The following GPM6B variants were observed in gnomAD, a reference collection of about 807,000 sequenced individuals.
GPM6B encodes neuronal membrane glycoprotein M6-b.
GPM6B carries 4 observed loss-of-function variants against 27.2 expected under a neutral mutation model. The observed-to-expected ratio is 0.15, with a 90% CI of 0.07 to 0.34. GPM6B has a LOEUF of 0.34. Among genes scored for constraint, GPM6B ranks in the 10% least tolerant of loss-of-function variants. GPM6B has a pLI of 1.00. For missense variants in GPM6B, 183 were observed against 261.9 expected, an observed-to-expected ratio of 0.70 and a Z score of 2.08; for synonymous variants, 124 against 103.1, an observed-to-expected ratio of 1.20 and a Z score of -1.23.
intron 1 of GPM6B, among the ~76,000 whole-genome samples, chrX:13,815,179 A>G (rs1489962464): frequency 8.9e-6 from 1 of 112,094 alleles, no homozygotes; most frequent in Non-Finnish European, 1.9e-5. Flanking sequence ...TCAGAGAGAA[A>G]TTTAAAAAAG....
intron 2 of GPM6B, 83 bp from the exon 3 acceptor site, chrX:13,785,891 G>T: frequency 1.3e-6 from 1 of 795,475 alleles, no homozygotes; most frequent in Non-Finnish European, 1.8e-6. Flanking sequence ...CACAGAGAAG[G>T]CTTACAATTT....
At chrX:13,801,446 T>C (rs1006167277) in intron 2 of GPM6B, among the ~76,000 whole-genome samples, 1 of 112,252 alleles carries the variant, frequency 8.9e-6, no homozygotes, top group South Asian at 3.7e-4. Flanking sequence ...AGATAGAGTA[T>C]TGCATTTTGA....
intron 1 of GPM6B, among the ~76,000 whole-genome samples, chrX:13,864,653 G>A (rs1160953343): frequency 8.9e-6 from 1 of 112,638 alleles, no homozygotes; most frequent in Non-Finnish European, 1.9e-5. Flanking sequence ...GAGCCCCACA[G>A]AGAAATGAAA....
intron 1 of GPM6B, among the ~76,000 whole-genome samples, chrX:13,810,609 G>A (rs1209386940): frequency 9.0e-6 from 1 of 110,523 alleles, no homozygotes; most frequent in Non-Finnish European, 1.9e-5. Context: ...ATATGGATGG[G>A]GTAAGTCTCC....
chrX:13,884,034 A>G (rs1032105769), intron 1 of GPM6B, among the ~76,000 whole-genome samples: 5 of 110,965 alleles, frequency 4.5e-5, no homozygotes, highest in Non-Finnish European at 9.4e-5. Flanking sequence ...AAAATTAGCC[A>G]GGCGTGGTGG....
chrX:13,888,759 T>C (rs953640177), intron 1 of GPM6B, among the ~76,000 whole-genome samples: 9 of 111,779 alleles, frequency 8.1e-5, no homozygotes, highest in African/African-American at 2.9e-4. Context: ...CTTTTTCCTC[T>C]GAAGCCAATG....
At chrX:13,799,050 G>A (rs902916371) in intron 2 of GPM6B, among the ~76,000 whole-genome samples, 6 of 111,185 alleles carry the variant, frequency 5.4e-5, no homozygotes, top group African/African-American at 2.0e-4. Flanking sequence ...ATGTGGCTTC[G>A]GAATTTTAAA....
chrX:13,925,486 C>T (rs1389825007), intron 1 of GPM6B, among the ~76,000 whole-genome samples: 3 of 78,282 alleles, frequency 3.8e-5, no homozygotes, highest in Non-Finnish European at 7.6e-5. Context: ...ACCACCATGT[C>T]TGGCTTTTTT....
chrX:13,934,900 T>C (rs1921749929), intron 1 of GPM6B, among the ~76,000 whole-genome samples: 1 of 111,446 alleles, frequency 9.0e-6, no homozygotes, highest in Non-Finnish European at 1.9e-5. Context: ...CAGCCTTCTT[T>C]GCTTCCTGGC....
chrX:13,804,643 A>G (rs949278718), intron 2 of GPM6B, among the ~76,000 whole-genome samples: 2 of 110,931 alleles, frequency 1.8e-5, no homozygotes, highest in African/African-American at 6.6e-5. Flanking sequence ...GACCTTTCCA[A>G]TGGGGAATAA....
intron 1 of GPM6B, among the ~76,000 whole-genome samples, chrX:13,861,378 A>G (rs989859361): frequency 9.9e-5 from 11 of 110,897 alleles, no homozygotes; most frequent in Admixed American, 8.7e-4. Flanking sequence ...TCTTTAAGCA[A>G]TCTCCCCACT....
intron 2 of GPM6B, among the ~76,000 whole-genome samples, chrX:13,790,098 C>T (rs2048686251): frequency 8.9e-6 from 1 of 112,003 alleles, no homozygotes; most frequent in Non-Finnish European, 1.9e-5. Flanking sequence ...AAGTGATCCT[C>T]CCGCCTCGGC....
chrX:13,812,194 C>A (rs1486541675), intron 1 of GPM6B, among the ~76,000 whole-genome samples: 1 of 108,343 alleles, frequency 9.2e-6, no homozygotes, highest in Admixed American at 9.9e-5. Context: ...GGATTACAGG[C>A]ACACACCACC....
chrX:13,814,561 ATAAACT>A lies in GPM6B; in HGVS notation c.61+2277_61+2282del, dbSNP rs751175783. Among the ~76,000 whole-genome samples, 731 of 112,518 alleles carry A rather than the reference ATAAACT, an allele frequency of 6.5e-3. 6 individuals carry two copies. Among genetic ancestry groups the A allele is most frequent in the African/African-American group, 0.021 (660 of 31,006 alleles). On this transcript the variant is annotated intron_variant, in intron 1 of 7. Transcript: ENST00000316715. The stretch of plus-strand genomic sequence containing the variant: ...ATTTCAATGGAAAAATAATTTTTTA[ATAAACT>A]TAAAGTTAAATCTGAAGGAATACTG...
At chrX:13,925,669 C>T (rs1025898539) in intron 1 of GPM6B, among the ~76,000 whole-genome samples, 4 of 110,620 alleles carry the variant, frequency 3.6e-5, no homozygotes, top group Admixed American at 9.6e-5. Context: ...TATGCAAAAA[C>T]ATCTTGGGGT....
intron 2 of GPM6B, among the ~76,000 whole-genome samples, chrX:13,799,884 T>C (rs2048888661): frequency 9.0e-6 from 1 of 111,536 alleles, no homozygotes; most frequent in African/African-American, 3.3e-5. Context: ...GTGAAATGTT[T>C]ATACAGACTG....
At chrX:13,855,636 T>C (rs778917005) in intron 1 of GPM6B, among the ~76,000 whole-genome samples, 3 of 112,172 alleles carry the variant, frequency 2.7e-5, no homozygotes, top group African/African-American at 6.5e-5. Flanking sequence ...GAATAATCAG[T>C]GTACGGTCAA....
At chrX:13,791,095 G>A (rs753095225) in intron 2 of GPM6B, among the ~76,000 whole-genome samples, 22 of 112,237 alleles carry the variant, frequency 2.0e-4, no homozygotes, top group Non-Finnish European at 3.8e-4. Flanking sequence ...ATTTTCCCAA[G>A]CTTCAAACCA....
At chrX:13,889,764 T>TTTA (rs1555927053) in intron 1 of GPM6B, among the ~76,000 whole-genome samples, 1 of 110,362 alleles carries the variant, frequency 9.1e-6, no homozygotes, top group African/African-American at 3.3e-5. Context: ...TTTTTTTTTT[T>TTTA]ATCACCAGAA....
Sources: gnomAD v4.1 joint callset for allele counts (sites outside exome capture counted in the v4.1 genomes callset) on GRCh38, gnomAD v4.1.1 for gene constraint, MANE v1.5 for transcripts, NCBI Gene and HGNC (gene_info 2026-07-23, HGNC 2026-07-21) for gene names.